Variants in AGBL4 observed in about 807,000 individuals in gnomAD.
AGBL4 encodes cytosolic carboxypeptidase 6.
AGBL4 carries 58 observed loss-of-function variants against 66.4 expected under a neutral mutation model. The observed-to-expected ratio is 0.87, with a 90% CI of 0.71 to 1.09. The LOEUF (loss-of-function observed/expected upper bound fraction) is 1.09, where lower values mean the gene tolerates loss of function less well. AGBL4 is among the 50% of genes least tolerant of loss of function. The probability of loss-of-function intolerance (pLI) is 0.00; values close to 1 mark genes in which losing one functional copy is unlikely to be tolerated. For missense variants in AGBL4, 579 were observed against 631.0 expected, an observed-to-expected ratio of 0.92 and a Z score of 0.88; for synonymous variants, 234 against 222.9, an observed-to-expected ratio of 1.05 and a Z score of -0.44.
chr1:48,864,442 ACT>A (rs1647795297), intron 6 of AGBL4, among the ~76,000 whole-genome samples: 1 of 152,194 alleles, frequency 6.6e-6, no homozygotes, highest in African/African-American at 2.4e-5. Context: ...AAATTCTCAT[ACT>A]CATACGTAAA....
At position 49,547,237 on chromosome 1, in the gene AGBL4, C is replaced by T. The variant is rs114820607; in HGVS notation, c.282+150076G>A. Among the ~76,000 whole-genome samples the T allele has an allele frequency of 3.6e-3, 550 of 152,232 alleles. 1 individual carries two copies. Among genetic ancestry groups the T allele is most frequent in the Non-Finnish European group, 5.8e-3 (397 of 68,022 alleles). On this transcript the variant is annotated intron_variant, in intron 3 of 13. Transcript: ENST00000371839. ...CCTACATGTGGCTAGCCAATTATAC[C>T]AGCACTATTTGTTGAAAAGGCTGTC...
chr1:49,109,434 T>G (rs1645362333), intron 4 of AGBL4, among the ~76,000 whole-genome samples: 1 of 152,172 alleles, frequency 6.6e-6, no homozygotes, highest in African/African-American at 2.4e-5. Flanking sequence ...TGACTATTAC[T>G]CTCCACCTGG....
Position 49,011,823 on chromosome 1 carries a change from T to C in AGBL4, c.594+33761A>G, listed in dbSNP as rs1324022176. ...GCATATTCTCACTCATAGGTGGGAA[T>C]TGAACAATGAGATCACATGGACACA... On this transcript the variant is annotated intron_variant, in intron 5 of 13. Transcript: ENST00000371839. Among the ~76,000 whole-genome samples the C allele has an allele frequency of 1.2e-4, 16 of 137,362 alleles. No individual in the cohort carries two copies. In the South Asian group the frequency reaches 1.3e-3, roughly 12 times the overall value. The allele number at this position is 137,362 out of a possible 152,430, so 90.1% of individuals were successfully genotyped here. A position where few individuals can be genotyped will look rare whatever the true frequency, so the allele number is the denominator to read the frequency against.
intron 5 of AGBL4, among the ~76,000 whole-genome samples, chr1:48,872,039 A>T (rs1648728852): frequency 6.6e-6 from 1 of 152,158 alleles, no homozygotes; most frequent in African/African-American, 2.4e-5. Flanking sequence ...AAAATCACAC[A>T]TGCTGATTTT....
At chr1:49,269,273 A>G (rs898609011) in intron 3 of AGBL4, 1 of 152,228 alleles carries the variant, frequency 6.6e-6, no homozygotes, top group African/African-American at 2.4e-5. Context: ...CTTAACGAGC[A>G]TTAATAAATG....
At chr1:49,495,292 C>G (rs2148752139) in intron 3 of AGBL4, among the ~76,000 whole-genome samples, 1 of 152,218 alleles carries the variant, frequency 6.6e-6, no homozygotes, top group East Asian at 1.9e-4. Flanking sequence ...CCGCATGTGG[C>G]TCACAGTGGC....
At chr1:49,292,963 C>T (rs1337739538) in intron 3 of AGBL4, among the ~76,000 whole-genome samples, 1 of 152,224 alleles carries the variant, frequency 6.6e-6, no homozygotes, top group African/African-American at 2.4e-5. Flanking sequence ...AAACACATCC[C>T]TTGCTTGCCA....
intron 6 of AGBL4, among the ~76,000 whole-genome samples, chr1:48,728,434 C>T (rs1647546745): frequency 6.7e-6 from 1 of 149,920 alleles, no homozygotes; most frequent in Non-Finnish European, 1.5e-5. Context: ...AGTTTATTTT[C>T]CATTTTCAAT....
intron 4 of AGBL4, among the ~76,000 whole-genome samples, chr1:49,167,834 T>G (rs1483955705): frequency 6.6e-6 from 1 of 152,258 alleles, no homozygotes; most frequent in Non-Finnish European, 1.5e-5. Flanking sequence ...TATTGTACTT[T>G]ATTTTGTTTT....
chr1:49,784,741 A>T (rs1644412166), intron 2 of AGBL4, among the ~76,000 whole-genome samples: 1 of 152,122 alleles, frequency 6.6e-6, no homozygotes, highest in Admixed American at 6.5e-5. Context: ...AAAGACTTAT[A>T]TCCAGCACAT....
At position 48,736,472 on chromosome 1, in the gene AGBL4, C is replaced by T. The variant is rs375517406; in HGVS notation, c.635-73231G>A. 6.2e-7 allele frequency: 1 copy of T among 1,609,940 alleles called. No individual in the cohort carries two copies. The highest frequency in any genetic ancestry group is 8.5e-7 in the Non-Finnish European group (1 of 1,176,640). ...ATGGACCTGAGAGGAATAAGAACAC[C>T]AGCACCTGTTTAGTCCGACAGGAGG... On this transcript the variant is annotated intron_variant, in intron 6 of 13. Coordinates refer to ENST00000371839, the MANE Select transcript of AGBL4 (RefSeq NM_032785.4). The surrounding 1 kb of genome is among the most constrained non-coding windows in gnomAD (Gnocchi z 4.0).
At chr1:49,709,320 G>A (rs1286622158) in intron 2 of AGBL4, among the ~76,000 whole-genome samples, 1 of 152,184 alleles carries the variant, frequency 6.6e-6, no homozygotes, top group African/African-American at 2.4e-5. Context: ...GGTGGGCTCT[G>A]CCCAGTCTGA....
chr1:49,724,766 G>GAT (rs375687856), intron 2 of AGBL4, among the ~76,000 whole-genome samples: 19 of 151,318 alleles, frequency 1.3e-4, no homozygotes, highest in Middle Eastern at 3.4e-3. Flanking sequence ...ACACCAGAAA[G>GAT]ATATATATAT....
At chr1:49,822,238 TC>T (rs1442364883) in intron 2 of AGBL4, among the ~76,000 whole-genome samples, 3 of 152,156 alleles carry the variant, frequency 2.0e-5, no homozygotes, top group Admixed American at 2.0e-4. Context: ...TATATTTCCA[TC>T]CGGGTCAACA....
chr1:49,147,833 AG>A lies in AGBL4; in HGVS notation c.377+97936del, dbSNP rs201046957. Among the ~76,000 whole-genome samples the A allele has an allele frequency of 2.9e-3, 439 of 151,600 alleles. 3 individuals are homozygous for A. The highest frequency in any genetic ancestry group is 0.01 in the African/African-American group (415 of 41,296). ...GATAGTGCTTCAAGCAGGGAAGGAG[AG>A]GGGGGGTGACAAAGCCCTGTGGCCA... On this transcript the variant is annotated intron_variant, in intron 4 of 13. Coordinates refer to ENST00000371839, the MANE Select transcript of AGBL4 (RefSeq NM_032785.4).
At chr1:49,372,989 G>C (rs767384107) in intron 3 of AGBL4, among the ~76,000 whole-genome samples, 3 of 151,890 alleles carry the variant, frequency 2.0e-5, no homozygotes, top group Non-Finnish European at 4.4e-5. Flanking sequence ...GAACTCCGGG[G>C]CTCAAGTGAT....
intron 6 of AGBL4, among the ~76,000 whole-genome samples, chr1:48,768,171 C>CA (rs1644624071): frequency 8.5e-5 from 1 of 11,772 alleles, no homozygotes; most frequent in African/African-American, 1.3e-4. Flanking sequence ...AACTAAAAGG[C>CA]ACATGTAACA....
At chr1:48,794,762 T>G (rs1296279076) in intron 6 of AGBL4, among the ~76,000 whole-genome samples, 1 of 152,206 alleles carries the variant, frequency 6.6e-6, no homozygotes, top group African/African-American at 2.4e-5. Flanking sequence ...CCTCAGAATT[T>G]TACTGTAGGC....
intron 3 of AGBL4, among the ~76,000 whole-genome samples, chr1:49,639,203 CAT>C (rs1360757429): frequency 2.0e-5 from 3 of 152,256 alleles, no homozygotes; most frequent in African/African-American, 4.8e-5. Context: ...ACACCAATAA[CAT>C]AGATCTAGTC....
Sources: gnomAD v4.1 joint callset for allele counts (sites outside exome capture counted in the v4.1 genomes callset) on GRCh38, gnomAD v4.1.1 for gene constraint, Gnocchi (gnomAD v3.1) non-coding constraint, MANE v1.5 for transcripts, NCBI Gene and HGNC (gene_info 2026-07-23, HGNC 2026-07-21) for gene names.